Variants in ATAD2B observed in about 807,000 individuals in gnomAD.
ATAD2B encodes the protein ATPase family AAA domain containing 2B, also known as ATPase family AAA domain-containing protein 2B.
A neutral mutation model predicts 167.6 loss-of-function variants in ATAD2B; 40 were observed. The observed-to-expected ratio is 0.24, with a 90% CI of 0.19 to 0.31. The LOEUF is 0.31. ATAD2B is among the 10% of genes least tolerant of loss of function. The pLI, the probability that ATAD2B is intolerant of heterozygous loss-of-function variation, is 1.00. For missense variants in ATAD2B, 1,242 were observed against 1,757.2 expected, an observed-to-expected ratio of 0.71 and a Z score of 5.24; for synonymous variants, 579 against 596.5, an observed-to-expected ratio of 0.97 and a Z score of 0.43.
intron 18 of ATAD2B, among the ~76,000 whole-genome samples, chr2:23,809,527 T>C (rs1288967350): frequency 6.6e-6 from 1 of 152,146 alleles, no homozygotes; most frequent in African/African-American, 2.4e-5. Context: ...TTGTGTGAAA[T>C]GTTTTAAGTG....
chr2:23,831,235 A>G (rs903431374), intron 14 of ATAD2B, among the ~76,000 whole-genome samples: 1 of 152,226 alleles, frequency 6.6e-6, no homozygotes, highest in Non-Finnish European at 1.5e-5. Flanking sequence ...GTACACATAC[A>G]AATATATATT....
intron 16 of ATAD2B, 91 bp from the exon 17 acceptor site, chr2:23,819,973 C>A: frequency 1.2e-6 from 1 of 844,682 alleles, no homozygotes. Flanking sequence ...GTTAAAAAAT[C>A]AAATGACATT....
At chr2:23,766,744 A>G (rs1444819872) in intron 22 of ATAD2B, among the ~76,000 whole-genome samples, 1 of 152,176 alleles carries the variant, frequency 6.6e-6, no homozygotes, top group African/African-American at 2.4e-5. Context: ...TCCCTCCAAA[A>G]AAGAAAAAAC....
intron 6 of ATAD2B, among the ~76,000 whole-genome samples, chr2:23,883,229 G>C (rs983819974): frequency 6.9e-6 from 1 of 145,164 alleles, no homozygotes; most frequent in Non-Finnish European, 1.5e-5. Flanking sequence ...GCAGTGAACT[G>C]TGATTGTGAC....
At chr2:23,892,945 C>G (rs1699742724) in intron 2 of ATAD2B, among the ~76,000 whole-genome samples, 1 of 152,112 alleles carries the variant, frequency 6.6e-6, no homozygotes, top group South Asian at 2.1e-4. Context: ...CAACATCTAT[C>G]TATATTAGTA....
At chr2:23,756,091 T>C (rs1409572274) in intron 25 of ATAD2B, among the ~76,000 whole-genome samples, 3 of 152,152 alleles carry the variant, frequency 2.0e-5, no homozygotes, top group African/African-American at 7.2e-5. Context: ...AGCATTAAAA[T>C]AGACTCCTCT....
chr2:23,767,894 A>G (rs1293386960), intron 22 of ATAD2B, among the ~76,000 whole-genome samples: 1 of 147,556 alleles, frequency 6.8e-6, no homozygotes, highest in Admixed American at 6.7e-5. Context: ...ATGCAAAAAC[A>G]AACAAAAAAC....
chr2:23,784,255 A>G (rs1680483649), intron 21 of ATAD2B, among the ~76,000 whole-genome samples: 1 of 152,020 alleles, frequency 6.6e-6, no homozygotes, highest in Non-Finnish European at 1.5e-5. Flanking sequence ...TTTAACATTT[A>G]TTTTCTAAAG....
At chr2:23,804,278 A>C (rs1309578130) in intron 18 of ATAD2B, among the ~76,000 whole-genome samples, 1 of 152,180 alleles carries the variant, frequency 6.6e-6, no homozygotes, top group Non-Finnish European at 1.5e-5. Flanking sequence ...TTAAATATGC[A>C]CTTAAGACAC....
chr2:23,823,345 G>A lies in ATAD2B; in HGVS notation c.2044C>T (p.Leu682=), dbSNP rs761775374. Residue 682 remains leucine, a synonymous_variant, in exon 16 of 28, where the codon CTG becomes TTG. Coordinates refer to ENST00000238789, the MANE Select transcript of ATAD2B (RefSeq NM_017552.4). The part of the protein sequence containing the change: ...GHALSPIIRP[L]LERSFNNILA... ...ATGTTGTTGAAGCTTCTTTCCAGCA[G>A]TGGTCTTATGATGGGGGATAGTGCA... is the stretch of plus-strand genomic sequence containing the variant. 6.2e-7 allele frequency: 1 copy of A among 1,613,884 alleles called. No homozygotes were observed. The highest frequency in any genetic ancestry group is 1.1e-5 in the South Asian group (1 of 91,060).
chr2:23,829,063 A>T, intron 14 of ATAD2B, 124 bp from the exon 15 acceptor site: 2 of 634,294 alleles, frequency 3.2e-6, no homozygotes, highest in Non-Finnish European at 5.4e-6. Flanking sequence ...TAAAATTTTT[A>T]TTTTAAAAAA....
chr2:23,920,768 T>C (rs1234294223), intron 1 of ATAD2B, among the ~76,000 whole-genome samples: 2 of 152,182 alleles, frequency 1.3e-5, no homozygotes, highest in Non-Finnish European at 2.9e-5. Context: ...CCCCCCAACT[T>C]TGTACTTCCA....
intron 18 of ATAD2B, among the ~76,000 whole-genome samples, chr2:23,804,474 C>T (rs1684015959): frequency 6.6e-6 from 1 of 151,958 alleles, no homozygotes; most frequent in Non-Finnish European, 1.5e-5. Context: ...AGATGAGATG[C>T]CTTAATGTAC....
chr2:23,851,976 C>T (rs1419299500), intron 13 of ATAD2B, among the ~76,000 whole-genome samples: 1 of 150,630 alleles, frequency 6.6e-6, no homozygotes, highest in Non-Finnish European at 1.5e-5. Context: ...AAGAATACTA[C>T]CGCAGACTAT....
At chr2:23,901,356 C>A (rs1700810639) in intron 1 of ATAD2B, among the ~76,000 whole-genome samples, 1 of 148,974 alleles carries the variant, frequency 6.7e-6, no homozygotes, top group African/African-American at 2.4e-5. Context: ...TATCTCAGGA[C>A]CCTTTTTTTT....
At chr2:23,785,755 T>A in intron 21 of ATAD2B, 2 of 302,224 alleles carry the variant, frequency 6.6e-6, no homozygotes, top group Non-Finnish European at 1.2e-5. Flanking sequence ...GATATTTGAC[T>A]AAGGCAACCT....
At chr2:23,802,554 A>T (rs1683665334) in intron 18 of ATAD2B, among the ~76,000 whole-genome samples, 1 of 152,048 alleles carries the variant, frequency 6.6e-6, no homozygotes, top group South Asian at 2.1e-4. Flanking sequence ...TCTTTTTCTA[A>T]TATTTTCATT....
At chr2:23,733,584 G>C in the ATAD2B span, among the ~76,000 whole-genome samples, 4 of 152,182 alleles carry the variant, frequency 2.6e-5, no homozygotes, top group Non-Finnish European at 4.4e-5. Context: ...ATCTAAATGT[G>C]TGCTGCACCT....
the ATAD2B span, among the ~76,000 whole-genome samples, chr2:23,735,525 A>G: frequency 6.6e-6 from 1 of 152,094 alleles, no homozygotes; most frequent in African/African-American, 2.4e-5. Flanking sequence ...TTTTTCCTCC[A>G]CTCTCGCCTT....
Sources: allele counts gnomAD v4.1 joint callset (sites outside exome capture counted in the v4.1 genomes callset), GRCh38; gene constraint gnomAD v4.1.1; transcripts MANE v1.5; gene names NCBI Gene and HGNC (gene_info 2026-07-23, HGNC 2026-07-21).